Variants in IMMP2L observed in about 807,000 individuals in gnomAD.
IMMP2L encodes the protein inner mitochondrial membrane peptidase subunit 2.
Under a neutral mutation model 19.3 loss-of-function variants are expected in IMMP2L, and 18 were observed. The ratio of observed to expected loss-of-function variants is 0.93; its 90% CI spans 0.64 to 1.38. The LOEUF is 1.38. IMMP2L is among the 40% of genes most tolerant of loss of function. The probability of loss-of-function intolerance (pLI) is 0.00; values close to 1 mark genes in which losing one functional copy is unlikely to be tolerated. For missense variants in IMMP2L, 233 were observed against 218.2 expected (o/e 1.07, Z -0.43); for synonymous variants, 76 against 73.0 (o/e 1.04, Z -0.21).
At chr7:111,237,322 T>A (rs1209332646) in intron 3 of IMMP2L, among the ~76,000 whole-genome samples, 2 of 152,120 alleles carry the variant, frequency 1.3e-5, no homozygotes, top group Non-Finnish European at 2.9e-5. Flanking sequence ...CCTATAAGAA[T>A]AATTCATAAA....
chr7:111,542,130 T>G (rs1848552328), intron 1 of IMMP2L, among the ~76,000 whole-genome samples: 1 of 152,096 alleles, frequency 6.6e-6, no homozygotes, highest in Non-Finnish European at 1.5e-5. Context: ...TGGCTAATGG[T>G]ATAGTAAGGT....
rs547189379 is a variant in IMMP2L, at chr7:111,052,237, T to C, written c.240-88672A>G. On this transcript the variant is annotated intron_variant, in intron 3 of 5. Transcript: ENST00000405709. Reference sequence around the variant, plus strand: ...ATTCTGTAGAGAATCCCTTTCCCTTTCCAGGTCTTTTCCTGACCCAGGAGA... The same window carrying C: ...ATTCTGTAGAGAATCCCTTTCCCTTCCCAGGTCTTTTCCTGACCCAGGAGA... Among the ~76,000 whole-genome samples, 16 of 152,340 alleles carry C rather than the reference T, an allele frequency of 1.1e-4. No individual in the cohort carries two copies. The East Asian group carries it at 2.9e-3, about 28-fold the overall frequency.
chr7:111,439,454 G>A (rs1203317180), intron 3 of IMMP2L, among the ~76,000 whole-genome samples: 1 of 151,828 alleles, frequency 6.6e-6, no homozygotes, highest in African/African-American at 2.4e-5. Flanking sequence ...TCAATAAAGT[G>A]AGTCACACGA....
chr7:110,974,259 C>T (rs1171345379), intron 3 of IMMP2L, among the ~76,000 whole-genome samples: 1 of 152,054 alleles, frequency 6.6e-6, no homozygotes, highest in Admixed American at 6.6e-5. Context: ...TTCACTCTAA[C>T]ATGGGAGCTT....
At chr7:111,055,064 T>C (rs1375321920) in intron 3 of IMMP2L, among the ~76,000 whole-genome samples, 31 of 151,064 alleles carry the variant, frequency 2.1e-4, no homozygotes, top group South Asian at 8.4e-4. Flanking sequence ...TTTTTTTTTT[T>C]CCCAGAAACA....
At chr7:111,355,631 A>G (rs1303458382) in intron 3 of IMMP2L, among the ~76,000 whole-genome samples, 1 of 151,868 alleles carries the variant, frequency 6.6e-6, no homozygotes, top group Non-Finnish European at 1.5e-5. Context: ...GAATAGAAAA[A>G]CCTTCTGGTC....
intron 3 of IMMP2L, among the ~76,000 whole-genome samples, chr7:111,437,309 A>T (rs1837275255): frequency 1.3e-5 from 2 of 151,616 alleles, no homozygotes; most frequent in African/African-American, 4.9e-5. Context: ...ACCAGGCAAC[A>T]TGCCACATGC....
At chr7:110,801,547 G>A (rs1342947130) in intron 5 of IMMP2L, among the ~76,000 whole-genome samples, 1 of 152,042 alleles carries the variant, frequency 6.6e-6, no homozygotes, top group African/African-American at 2.4e-5. Flanking sequence ...ATGGGTAAGA[G>A]GAACATTGAC....
At chr7:111,096,877 A>G (rs1586236099) in intron 3 of IMMP2L, 2 of 151,958 alleles carry the variant, frequency 1.3e-5, no homozygotes, top group Non-Finnish European at 2.9e-5. Context: ...GTAAACTACT[A>G]AAGTCAAAAT....
intron 3 of IMMP2L, among the ~76,000 whole-genome samples, chr7:111,161,180 C>T (rs12705758): frequency 0.074 from 11,168 of 151,802 alleles, 908 homozygotes; most frequent in African/African-American, 0.2. Context: ...CAATCTTATA[C>T]TTTTCTAGAG....
chr7:111,100,939 A>C (rs1797903553), intron 3 of IMMP2L, among the ~76,000 whole-genome samples: 1 of 151,482 alleles, frequency 6.6e-6, no homozygotes, highest in Non-Finnish European at 1.5e-5. Flanking sequence ...ATATTTGAAA[A>C]CTTTTAAATA....
At chr7:111,480,595 G>A (rs1842093572) in intron 3 of IMMP2L, among the ~76,000 whole-genome samples, 1 of 89,678 alleles carries the variant, frequency 1.1e-5, no homozygotes. Context: ...GCATTTTACT[G>A]TCAAAAAAAA....
intron 4 of IMMP2L, among the ~76,000 whole-genome samples, chr7:110,945,548 C>T (rs1292459552): frequency 6.6e-6 from 1 of 151,944 alleles, no homozygotes; most frequent in Non-Finnish European, 1.5e-5. Context: ...CCCTGTACCC[C>T]GGAGTGGGAG....
chr7:110,882,539 C>T (rs1197468001), intron 5 of IMMP2L, among the ~76,000 whole-genome samples: 1 of 152,046 alleles, frequency 6.6e-6, no homozygotes, highest in Non-Finnish European at 1.5e-5. Flanking sequence ...TGCCACCACA[C>T]CCAGCTGATT....
At chr7:111,323,704 C>T (rs551832745) in intron 3 of IMMP2L, among the ~76,000 whole-genome samples, 24 of 152,046 alleles carry the variant, frequency 1.6e-4, no homozygotes, top group Non-Finnish European at 1.6e-4. Context: ...ATGTTTATTG[C>T]GGCACTATTC....
At chr7:110,996,667 A>T (rs1212551798) in intron 3 of IMMP2L, among the ~76,000 whole-genome samples, 1 of 152,008 alleles carries the variant, frequency 6.6e-6, no homozygotes, top group East Asian at 1.9e-4. Context: ...ACAAAAATAT[A>T]TAGGCCCTTT....
intron 2 of IMMP2L, among the ~76,000 whole-genome samples, chr7:111,510,619 T>A (rs1845357836): frequency 6.6e-6 from 1 of 151,944 alleles, no homozygotes; most frequent in Non-Finnish European, 1.5e-5. Flanking sequence ...TGGAGACAAT[T>A]TCCTCTGCCT....
intron 3 of IMMP2L, among the ~76,000 whole-genome samples, chr7:111,415,972 G>T (rs1264601145): frequency 2.6e-5 from 4 of 151,678 alleles, no homozygotes; most frequent in Admixed American, 2.6e-4. Flanking sequence ...AAAGAGATTT[G>T]CATAATTTTC....
At chr7:111,484,545 C>A (rs1842462311) in intron 3 of IMMP2L, among the ~76,000 whole-genome samples, 1 of 152,090 alleles carries the variant, frequency 6.6e-6, no homozygotes, top group African/African-American at 2.4e-5. Context: ...TTAATATACA[C>A]TTCTGTATGT....
Sources: gnomAD v4.1 joint callset for allele counts (sites outside exome capture counted in the v4.1 genomes callset) on GRCh38, gnomAD v4.1.1 for gene constraint, MANE v1.5 for transcripts, NCBI Gene and HGNC (gene_info 2026-07-23, HGNC 2026-07-21) for gene names.